ATF7IP2: variants seen among roughly 807,000 people sequenced by gnomAD.
ATF7IP2 encodes the protein activating transcription factor 7-interacting protein 2.
A neutral mutation model predicts 64.2 loss-of-function variants in ATF7IP2; 42 were observed. The ratio of observed to expected loss-of-function variants is 0.65; its 90% CI spans 0.51 to 0.85. ATF7IP2 has a LOEUF of 0.85. Among genes scored for constraint, ATF7IP2 ranks in the 40% least tolerant of loss-of-function variants. ATF7IP2 has a pLI of 0.00. For synonymous variants in ATF7IP2, 308 were observed against 272.8 expected (o/e 1.13, Z -1.27); for missense variants, 933 against 784.2 (o/e 1.19, Z -2.27).
intron 8 of ATF7IP2, among the ~76,000 whole-genome samples, chr16:10,456,412 G>A (rs1266256839): frequency 2.0e-5 from 3 of 152,166 alleles, no homozygotes; most frequent in Admixed American, 6.5e-5. Flanking sequence ...CAGTCACAGG[G>A]AGGGCTCTTT....
At position 10,386,170 on chromosome 16, in the gene ATF7IP2, G is replaced by C. The variant is rs550769859; in HGVS notation, c.-242+48G>C. On this transcript the variant is annotated intron_variant, in intron 1 of 13. Transcript: ENST00000562102. Reference sequence around the variant, plus strand: ...TCCTGCGAGAGCGGCGATTGGCGGGGTGGCGGCTCTAGGAGCGTCGGTCGC... The same window carrying C: ...TCCTGCGAGAGCGGCGATTGGCGGGCTGGCGGCTCTAGGAGCGTCGGTCGC... 66 of 152,628 alleles carry C rather than the reference G, an allele frequency of 4.3e-4. 1 individual carries two copies. The highest frequency in any genetic ancestry group is 1.5e-3 in the African/African-American group (61 of 41,588). The allele number at this position is 152,628 out of a possible 1,614,324, so 9.5% of individuals were successfully genotyped here.
intron 8 of ATF7IP2, chr16:10,449,127 A>G (rs1276098348): frequency 6.6e-6 from 1 of 152,140 alleles, no homozygotes; most frequent in Non-Finnish European, 1.5e-5. Context: ...TGATTTGTGT[A>G]TGTTGAACCA....
chr16:10,473,805 C>G, intron 11 of ATF7IP2, 118 bp from the exon 12 acceptor site: 1 of 680,804 alleles, frequency 1.5e-6, no homozygotes, highest in Non-Finnish European at 2.5e-6. Flanking sequence ...TGTTCCATCT[C>G]TAGTTTCCGA....
At chr16:10,389,299 T>A (rs138103768) in intron 1 of ATF7IP2, among the ~76,000 whole-genome samples, 1 of 152,172 alleles carries the variant, frequency 6.6e-6, no homozygotes. Flanking sequence ...AATATTGATT[T>A]AACTGAAAAT....
intron 9 of ATF7IP2, among the ~76,000 whole-genome samples, chr16:10,470,782 C>G (rs1208835635): frequency 6.7e-6 from 1 of 148,960 alleles, no homozygotes; most frequent in African/African-American, 2.5e-5. Context: ...GAGTCTGTCT[C>G]TTAAAAATAT....
At chr16:10,469,709 G>T (rs1280845348) in intron 9 of ATF7IP2, among the ~76,000 whole-genome samples, 2 of 152,228 alleles carry the variant, frequency 1.3e-5, no homozygotes, top group East Asian at 3.9e-4. Flanking sequence ...CAAGGAGGCA[G>T]AGGTTGCGGT....
Position 10,457,499 on chromosome 16 carries a change from C to T in ATF7IP2, c.1322C>T (p.Ser441Leu). ...AAAGGAAGTAAAAAAATTAATTTGT[C>T]ATCAGATCAAAATAAGTCTGTTTCT... ...SEKGSKKINLSSDQNKSVSES... is the reference protein window; with the variant it reads ...SEKGSKKINLLSDQNKSVSES... The change falls in exon 9 of 14, where the codon TCA becomes TTA. Residue 441 changes from serine (S) to leucine (L), a missense_variant. Coordinates refer to ENST00000562102, the MANE Select transcript of ATF7IP2 (RefSeq NM_001393719.1). The T allele has an allele frequency of 1.3e-6, 2 of 1,595,252 alleles. No individual in the cohort carries two copies. Among genetic ancestry groups the T allele is most frequent in the African/African-American group, 1.3e-5 (1 of 74,112 alleles).
chr16:10,438,921 C>T (rs1244926176), intron 7 of ATF7IP2, among the ~76,000 whole-genome samples: 2 of 151,814 alleles, frequency 1.3e-5, no homozygotes, highest in African/African-American at 2.4e-5. Flanking sequence ...GGCATGGTGG[C>T]GTGTGCCTGT....
intron 1 of ATF7IP2, among the ~76,000 whole-genome samples, chr16:10,409,800 T>A (rs1596455727): frequency 6.6e-6 from 1 of 152,236 alleles, no homozygotes; most frequent in East Asian, 1.9e-4. Flanking sequence ...ACATGTGGCT[T>A]GCCAGTTATC....
At chr16:10,473,568 A>T (rs1009164535) in intron 11 of ATF7IP2, 34 bp downstream of exon 11, 15 of 1,413,366 alleles carry the variant, frequency 1.1e-5, no homozygotes, top group African/African-American at 1.4e-5. Flanking sequence ...AATATTGTTT[A>T]TTTAAATATG....
intron 9 of ATF7IP2, among the ~76,000 whole-genome samples, chr16:10,459,572 G>A (rs148225373): frequency 9.6e-4 from 146 of 152,114 alleles, no homozygotes; most frequent in Non-Finnish European, 1.4e-3. Context: ...GCTTGAACCC[G>A]GGAGGCAGAG....
At chr16:10,459,237 G>T (rs1352291483) in intron 9 of ATF7IP2, among the ~76,000 whole-genome samples, 1 of 152,136 alleles carries the variant, frequency 6.6e-6, no homozygotes, top group Non-Finnish European at 1.5e-5. Flanking sequence ...CGGAGGCCTA[G>T]GTGGGTGGAT....
chr16:10,425,214 A>G (rs2048061050), intron 3 of ATF7IP2, among the ~76,000 whole-genome samples: 1 of 149,626 alleles, frequency 6.7e-6, no homozygotes. Context: ...GCCTACCACC[A>G]TGCCTGGCTA....
intron 1 of ATF7IP2, among the ~76,000 whole-genome samples, chr16:10,411,771 C>G (rs2047764495): frequency 6.6e-6 from 1 of 152,068 alleles, no homozygotes; most frequent in Admixed American, 6.6e-5. Flanking sequence ...TTATATCTTT[C>G]TGGGAATTTA....
At chr16:10,393,600 T>A (rs1436039550) in intron 1 of ATF7IP2, among the ~76,000 whole-genome samples, 1 of 152,220 alleles carries the variant, frequency 6.6e-6, no homozygotes, top group Non-Finnish European at 1.5e-5. Flanking sequence ...ATGAGTGTTC[T>A]GAACATGTTT....
chr16:10,440,957 T>G (rs934415430), intron 8 of ATF7IP2, among the ~76,000 whole-genome samples: 6 of 152,178 alleles, frequency 3.9e-5, no homozygotes, highest in Admixed American at 3.9e-4. Context: ...TGTGTCCATG[T>G]GTTCTCATTG....
intron 3 of ATF7IP2, among the ~76,000 whole-genome samples, chr16:10,425,771 TA>T (rs2048073277): frequency 6.6e-6 from 1 of 151,970 alleles, no homozygotes; most frequent in African/African-American, 2.4e-5. Flanking sequence ...CACACGCCTA[TA>T]ATCCCAGCTG....
chr16:10,464,481 G>A (rs2049487216), intron 9 of ATF7IP2, among the ~76,000 whole-genome samples: 1 of 152,134 alleles, frequency 6.6e-6, no homozygotes, highest in African/African-American at 2.4e-5. Context: ...AAATGGGAAA[G>A]GCAATAACAA....
At chr16:10,437,968 C>A in intron 6 of ATF7IP2, 133 bp from the exon 7 acceptor site, 2 of 603,938 alleles carry the variant, frequency 3.3e-6, no homozygotes, top group East Asian at 3.6e-5. Flanking sequence ...GTTATATAAA[C>A]ATACAAATAT....
Sources: allele counts gnomAD v4.1 joint callset (sites outside exome capture counted in the v4.1 genomes callset), GRCh38; gene constraint gnomAD v4.1.1; transcripts MANE v1.5; gene names NCBI Gene and HGNC (gene_info 2026-07-23, HGNC 2026-07-21).